The following ABHD12 variants were observed in gnomAD, a reference collection of about 807,000 sequenced individuals.
The protein encoded by ABHD12 is lysophosphatidylserine lipase ABHD12.
A neutral mutation model predicts 58.3 loss-of-function variants in ABHD12; 43 were observed. The observed-to-expected ratio is 0.74, with a 90% CI of 0.58 to 0.95. The LOEUF is 0.95. Ranked by LOEUF, ABHD12 falls within the 40% of genes least tolerant of loss-of-function variation. The pLI is 0.00. For synonymous variants in ABHD12, 219 were observed against 211.2 expected, an observed-to-expected ratio of 1.04 and a Z score of -0.32; for missense variants, 539 against 537.2, an observed-to-expected ratio of 1.00 and a Z score of -0.03.
intron 1 of ABHD12, among the ~76,000 whole-genome samples, chr20:25,376,380 T>C (rs2089963082): frequency 6.6e-6 from 1 of 152,170 alleles, no homozygotes; most frequent in Non-Finnish European, 1.5e-5. Context: ...AATTTCACTC[T>C]ACTGAATTGA....
chr20:25,344,603 T>C (rs559746719), intron 1 of ABHD12, among the ~76,000 whole-genome samples: 22 of 152,356 alleles, frequency 1.4e-4, no homozygotes, highest in South Asian at 4.1e-4. Flanking sequence ...CCCAACTTTA[T>C]AGATTCAATA....
At chr20:25,381,763 C>T (rs1600882833) in intron 1 of ABHD12, among the ~76,000 whole-genome samples, 1 of 152,056 alleles carries the variant, frequency 6.6e-6, no homozygotes, top group African/African-American at 2.4e-5. Flanking sequence ...CTCAGCCTCC[C>T]AGGATTACAG....
intron 1 of ABHD12, among the ~76,000 whole-genome samples, chr20:25,362,542 G>A (rs953911305): frequency 1.4e-5 from 2 of 141,634 alleles, no homozygotes; most frequent in Non-Finnish European, 3.0e-5. Context: ...CTCCAGCCTA[G>A]GTCACAGAGC....
chr20:25,331,830 G>A (rs570387459), intron 2 of ABHD12, among the ~76,000 whole-genome samples: 7 of 152,014 alleles, frequency 4.6e-5, no homozygotes, highest in South Asian at 4.2e-4. Context: ...AGGAAAAACC[G>A]GTACCAGCCA....
At chr20:25,351,794 G>A (rs1431044515) in intron 1 of ABHD12, among the ~76,000 whole-genome samples, 3 of 151,884 alleles carry the variant, frequency 2.0e-5, no homozygotes, top group African/African-American at 7.3e-5. Flanking sequence ...CCACCTACTC[G>A]GGAGGCTGAG....
At chr20:25,344,331 T>A (rs369124133) in intron 1 of ABHD12, among the ~76,000 whole-genome samples, 1 of 152,122 alleles carries the variant, frequency 6.6e-6, no homozygotes, top group Non-Finnish European at 1.5e-5. Flanking sequence ...AACTAATTAG[T>A]GATTATAGCA....
chr20:25,386,948 G>A (rs932195978), intron 1 of ABHD12, among the ~76,000 whole-genome samples: 1 of 152,078 alleles, frequency 6.6e-6, no homozygotes, highest in Non-Finnish European at 1.5e-5. Flanking sequence ...TTTATCCCAG[G>A]AATACAATGA....
At chr20:25,350,923 A>T (rs2089589360) in intron 1 of ABHD12, among the ~76,000 whole-genome samples, 1 of 151,492 alleles carries the variant, frequency 6.6e-6, no homozygotes, top group Non-Finnish European at 1.5e-5. Flanking sequence ...AAAGCTGTAG[A>T]AAAGCCTCAT....
At chr20:25,356,155 C>T (rs953471868) in intron 1 of ABHD12, among the ~76,000 whole-genome samples, 1 of 152,216 alleles carries the variant, frequency 6.6e-6, no homozygotes, top group African/African-American at 2.4e-5. Context: ...AAAGCCTTCC[C>T]ATCAAACAGC....
intron 6 of ABHD12, 86 bp downstream of exon 6, chr20:25,314,839 G>T: frequency 2.7e-6 from 4 of 1,462,632 alleles, no homozygotes; most frequent in Admixed American, 3.3e-5. Flanking sequence ...GCCTTGCTCC[G>T]AGCCTCTTCG....
At chr20:25,357,024 G>A (rs1478061847) in intron 1 of ABHD12, among the ~76,000 whole-genome samples, 4 of 152,126 alleles carry the variant, frequency 2.6e-5, no homozygotes, top group Non-Finnish European at 5.9e-5. Flanking sequence ...CTCCTCAGAG[G>A]TTGGGGAAAT....
chr20:25,371,039 C>T (rs1429043333), intron 1 of ABHD12, among the ~76,000 whole-genome samples: 1 of 152,010 alleles, frequency 6.6e-6, no homozygotes, highest in Admixed American at 6.6e-5. Flanking sequence ...CTCTTCCTTC[C>T]CTCCCATCAT....
chr20:25,354,093 G>T (rs1160162836), intron 1 of ABHD12, among the ~76,000 whole-genome samples: 1 of 152,226 alleles, frequency 6.6e-6, no homozygotes, highest in Non-Finnish European at 1.5e-5. Flanking sequence ...AATCTTTAAG[G>T]ACGGGGAGGT....
chr20:25,337,503 CTG>C (rs1270734011), intron 2 of ABHD12, among the ~76,000 whole-genome samples: 1 of 152,240 alleles, frequency 6.6e-6, no homozygotes, highest in Non-Finnish European at 1.5e-5. Context: ...AATCTGTAGG[CTG>C]TGTGTCTACA....
intron 1 of ABHD12, 37 bp downstream of exon 1, chr20:25,390,476 G>GGGGGGGC: frequency 2.9e-6 from 3 of 1,031,726 alleles, no homozygotes; most frequent in Non-Finnish European, 3.7e-6. Context: ...GTGAGGGACC[G>GGGGGGGC]GCCCCCCCCC....
intron 11 of ABHD12, 137 bp from the exon 12 acceptor site, chr20:25,302,483 T>C: frequency 8.3e-7 from 1 of 1,209,446 alleles, no homozygotes; most frequent in Non-Finnish European, 1.2e-6. Context: ...CCACAGCCGG[T>C]CACGACCAGG....
rs2089854191 is a variant in ABHD12, at chr20:25,368,472, T to C, written c.191+22041A>G. 5.1e-6 allele frequency: 8 copies of C among 1,580,726 alleles called. No individual in the cohort carries two copies. In the East Asian group the frequency reaches 9.0e-5, roughly 18 times the overall value. ...TTTGTGTTGGGTCCAGCATTTGCCATGGACAAGATGCTAGGACCTGTATGC... is the reference window on the plus strand; with the variant it reads ...TTTGTGTTGGGTCCAGCATTTGCCACGGACAAGATGCTAGGACCTGTATGC... On this transcript the variant is annotated intron_variant, in intron 1 of 12. Coordinates refer to ENST00000339157, the MANE Select transcript of ABHD12 (RefSeq NM_001042472.3).
intron 1 of ABHD12, among the ~76,000 whole-genome samples, chr20:25,386,876 G>A (rs886234221): frequency 1.3e-5 from 2 of 151,772 alleles, no homozygotes; most frequent in Non-Finnish European, 2.9e-5. Context: ...GTGAAACCCC[G>A]CCTCAAAAAA....
chr20:25,368,303 ATCT>A (rs1188602802), intron 1 of ABHD12: 4 of 1,539,146 alleles, frequency 2.6e-6, no homozygotes, highest in Non-Finnish European at 3.6e-6. Context: ...AGCAATGGTG[ATCT>A]TCTTGCTGGT....
Sources: gnomAD v4.1 joint callset for allele counts (sites outside exome capture counted in the v4.1 genomes callset) on GRCh38, gnomAD v4.1.1 for gene constraint, MANE v1.5 for transcripts, NCBI Gene and HGNC (gene_info 2026-07-23, HGNC 2026-07-21) for gene names.